Variants in SDK1 observed in about 807,000 individuals in gnomAD.
SDK1 encodes protein sidekick-1.
In SDK1, 157 loss-of-function variants were observed where a neutral mutation model predicts 245.5. The ratio of observed to expected loss-of-function variants is 0.64; its 90% CI spans 0.56 to 0.73. The LOEUF is 0.73. SDK1 is among the 30% of genes least tolerant of loss of function. The pLI is 0.00. For synonymous variants in SDK1, 1,647 were observed against 1,278.5 expected, an observed-to-expected ratio of 1.29 and a Z score of -6.15; for missense variants, 3,583 against 3,002.3, an observed-to-expected ratio of 1.19 and a Z score of -4.52.
chr7:3,423,376 C>G (rs1363593131), intron 1 of SDK1, among the ~76,000 whole-genome samples: 1 of 152,118 alleles, frequency 6.6e-6, no homozygotes, highest in African/African-American at 2.4e-5. Context: ...AACTTTTGAG[C>G]AGATTGGCTG....
At chr7:3,601,548 T>C (rs1305858610) in intron 1 of SDK1, among the ~76,000 whole-genome samples, 1 of 152,038 alleles carries the variant, frequency 6.6e-6, no homozygotes, top group Non-Finnish European at 1.5e-5. Flanking sequence ...CTTCAATATC[T>C]GCAGTGATAC....
In SDK1 at chr7:4,158,619, A is replaced by G. The variant is rs558124583; in HGVS notation, c.4729+68A>G. 14 of 1,192,896 alleles carry G rather than the reference A, an allele frequency of 1.2e-5. No homozygotes were observed. The Admixed American group carries it at 1.6e-4, about 13-fold the overall frequency. The allele number at this position is 1,192,896 out of a possible 1,614,324, so 73.9% of individuals were successfully genotyped here. On this transcript the variant is annotated intron_variant, in intron 31 of 44. Transcript: ENST00000404826. ...CTGGAGCCCGAGATACTTAGGCCAC[A>G]CTTTCGTCTTGAGCCAGAAAGGGGC...
At chr7:3,878,542 A>T (rs1781127590) in intron 5 of SDK1, among the ~76,000 whole-genome samples, 2 of 152,208 alleles carry the variant, frequency 1.3e-5, no homozygotes, top group African/African-American at 4.8e-5. Flanking sequence ...AATGAAATAA[A>T]TAAATAAATA....
intron 1 of SDK1, among the ~76,000 whole-genome samples, chr7:3,514,646 T>TG (rs1298353254): frequency 6.6e-6 from 1 of 152,106 alleles, no homozygotes; most frequent in African/African-American, 2.4e-5. Flanking sequence ...TAGATGAAAA[T>TG]GGGCAGGAGT....
Position 4,143,214 on chromosome 7 carries a change from G to A in SDK1, c.4229-2508G>A, listed in dbSNP as rs191490471. Among the ~76,000 whole-genome samples the A allele has an allele frequency of 1.5e-3, 233 of 152,234 alleles. 1 individual carries two copies. The highest frequency in any genetic ancestry group is 0.014 in the Admixed American group (211 of 15,290). ...GAGCTGCAGGGGCCTAAGGCACCAC[G>A]CCCATATCAGTGCCTGTGGACAGGT... On this transcript the variant is annotated intron_variant, in intron 28 of 44. Coordinates refer to ENST00000404826, the MANE Select transcript of SDK1 (RefSeq NM_152744.4).
intron 13 of SDK1, among the ~76,000 whole-genome samples, chr7:3,981,237 G>A (rs1263838384): frequency 6.6e-6 from 1 of 152,024 alleles, no homozygotes; most frequent in Non-Finnish European, 1.5e-5. Context: ...TAATTGTTTT[G>A]GGACACCATG....
At chr7:3,746,188 T>C (rs1056725051) in intron 4 of SDK1, among the ~76,000 whole-genome samples, 4 of 152,370 alleles carry the variant, frequency 2.6e-5, no homozygotes, top group African/African-American at 4.8e-5. Flanking sequence ...GTTATGTTTA[T>C]ACTATAGTTT....
chr7:3,836,744 T>C (rs1450690428), intron 5 of SDK1, among the ~76,000 whole-genome samples: 1 of 152,248 alleles, frequency 6.6e-6, no homozygotes. Context: ...ACAATGAGTA[T>C]TTTCCCAAAA....
chr7:3,760,082 G>T (rs1300754736), intron 4 of SDK1, among the ~76,000 whole-genome samples: 1 of 151,602 alleles, frequency 6.6e-6, no homozygotes, highest in Non-Finnish European at 1.5e-5. Context: ...AACGTTGACT[G>T]TTTACGCATT....
At position 3,465,380 on chromosome 7, in the gene SDK1, A is replaced by G. The variant is rs374299581; in HGVS notation, c.299-153700A>G. Among the ~76,000 whole-genome samples, 29 of 152,364 alleles carry G rather than the reference A, an allele frequency of 1.9e-4. No individual in the cohort carries two copies. In the East Asian group the frequency reaches 2.9e-3, roughly 15 times the overall value. On this transcript the variant is annotated intron_variant, in intron 1 of 44. Transcript: ENST00000404826. The stretch of plus-strand genomic sequence containing the variant: ...ACCAAAAATAAAAATGAGAAGAAAT[A>G]GGCATATGAAACATAATGAGTAACG...
Position 3,582,909 on chromosome 7 carries a change from G to T in SDK1, c.299-36171G>T, listed in dbSNP as rs78191331. Among the ~76,000 whole-genome samples, 865 of 152,252 alleles carry T rather than the reference G, an allele frequency of 5.7e-3. 6 individuals are homozygous for T. The highest frequency in any genetic ancestry group is 0.019 in the African/African-American group (793 of 41,550). ...GACCTCAGAGATGCTGAGTGGAAGA[G>T]AAGTGTGTGTAGGAAAAGGGGGGCA... On this transcript the variant is annotated intron_variant, in intron 1 of 44. Transcript: ENST00000404826.
chr7:3,842,894 G>A (rs528725414), intron 5 of SDK1, among the ~76,000 whole-genome samples: 4 of 152,076 alleles, frequency 2.6e-5, no homozygotes, highest in Admixed American at 6.5e-5. Flanking sequence ...TGGCTCCAGC[G>A]TTCACCACAA....
intron 1 of SDK1, among the ~76,000 whole-genome samples, chr7:3,614,973 C>T (rs1781721947): frequency 6.6e-6 from 1 of 151,364 alleles, no homozygotes; most frequent in Non-Finnish European, 1.5e-5. Context: ...ATGGTATAGG[C>T]ATGTTTGTTT....
Position 3,306,419 on chromosome 7 carries a change from CAACT to C in SDK1, c.298+4537_298+4540del, listed in dbSNP as rs539789843. Among the ~76,000 whole-genome samples, 735 of 152,192 alleles carry C rather than the reference CAACT, an allele frequency of 4.8e-3. 7 individuals are homozygous for C. Among genetic ancestry groups the C allele is most frequent in the South Asian group, 0.018 (85 of 4,818 alleles). On this transcript the variant is annotated intron_variant, in intron 1 of 44. Transcript: ENST00000404826. ...CCAGAATGGACTACTGGGAGTGCAC[CAACT>C]ATTTATTTGAGGAACATTTGGAAAA...
intron 5 of SDK1, among the ~76,000 whole-genome samples, chr7:3,890,813 G>C (rs920196887): frequency 6.6e-6 from 1 of 152,132 alleles, no homozygotes; most frequent in Admixed American, 6.5e-5. Context: ...GTTGTGGTGG[G>C]TGCCTGTAGT....
At chr7:3,304,047 T>C (rs73286342) in intron 1 of SDK1, among the ~76,000 whole-genome samples, 10,215 of 152,238 alleles carry the variant, frequency 0.067, 1,118 homozygotes, top group African/African-American at 0.22. Flanking sequence ...GGTCGTGTAT[T>C]TTGAGAAAAA....
intron 1 of SDK1, among the ~76,000 whole-genome samples, chr7:3,350,548 C>G (rs181344758): frequency 6.6e-6 from 1 of 152,102 alleles, no homozygotes; most frequent in African/African-American, 2.4e-5. Context: ...TGTCATTTTG[C>G]TTTTTATAAT....
At chr7:4,139,414 T>G (rs1274232430) in intron 28 of SDK1, among the ~76,000 whole-genome samples, 1 of 130,386 alleles carries the variant, frequency 7.7e-6, no homozygotes, top group Admixed American at 7.6e-5. Flanking sequence ...TGTGTGTATA[T>G]GTGTGTGTGT....
At chr7:3,577,755 T>G (rs1431890756) in intron 1 of SDK1, among the ~76,000 whole-genome samples, 1 of 152,062 alleles carries the variant, frequency 6.6e-6, no homozygotes, top group Non-Finnish European at 1.5e-5. Context: ...ACGAGTGCAC[T>G]GGCTTGCATT....
Sources: allele counts gnomAD v4.1 joint callset (sites outside exome capture counted in the v4.1 genomes callset), GRCh38; gene constraint gnomAD v4.1.1; transcripts MANE v1.5; gene names NCBI Gene and HGNC (gene_info 2026-07-23, HGNC 2026-07-21).